Variants in TRMT10A observed in about 807,000 individuals in gnomAD.
The protein encoded by TRMT10A is tRNA methyltransferase 10 homolog A.
A neutral mutation model predicts 40.4 loss-of-function variants in TRMT10A; 37 were observed. The ratio of observed to expected loss-of-function variants is 0.92; its 90% CI spans 0.71 to 1.21. The LOEUF is 1.21. TRMT10A is among the 50% of genes most tolerant of loss of function. The pLI is 0.00. For synonymous variants in TRMT10A, 103 were observed against 134.1 expected, an observed-to-expected ratio of 0.77 and a Z score of 1.60; for missense variants, 388 against 404.3, an observed-to-expected ratio of 0.96 and a Z score of 0.35.
At chr4:99,561,580 T>C (rs143786478) in intron 1 of TRMT10A, among the ~76,000 whole-genome samples, 3 of 152,362 alleles carry the variant, frequency 2.0e-5, no homozygotes, top group Non-Finnish European at 4.4e-5. Context: ...TGATATCTTA[T>C]AAATTATTCC....
intron 2 of TRMT10A, among the ~76,000 whole-genome samples, 187 bp from the exon 3 acceptor site, chr4:99,558,398 A>C (rs1464728139): frequency 6.6e-6 from 1 of 152,102 alleles, no homozygotes; most frequent in Non-Finnish European, 1.5e-5. Flanking sequence ...TCAGATAGGA[A>C]GGAAATGAGC....
At chr4:99,556,360 G>T in intron 4 of TRMT10A, 140 bp from the exon 5 acceptor site, 1 of 742,088 alleles carries the variant, frequency 1.3e-6, no homozygotes, top group Non-Finnish European at 2.2e-6. Flanking sequence ...AAAAATTTGT[G>T]ACATGCTTTG....
At chr4:99,553,964 AT>A in intron 5 of TRMT10A, 30 bp from the exon 6 acceptor site, 1 of 1,601,912 alleles carries the variant, frequency 6.2e-7, no homozygotes, top group Non-Finnish European at 8.5e-7. Flanking sequence ...GAGGTTACTA[AT>A]TAATAAGACC....
chr4:99,557,466 C>T (rs762690576), intron 3 of TRMT10A, 50 bp from the exon 4 acceptor site: 39 of 1,527,112 alleles, frequency 2.6e-5, no homozygotes, highest in Non-Finnish European at 3.4e-5. Flanking sequence ...TTGTCTATGG[C>T]CATTCTATGA....
intron 1 of TRMT10A, chr4:99,563,636 C>T (rs1038322587): frequency 4.5e-5 from 13 of 291,598 alleles, no homozygotes; most frequent in Non-Finnish European, 9.0e-5. Context: ...GGAGCCTCGC[C>T]CACTATCCCT....
chr4:99,554,712 G>A (rs1415802060), intron 5 of TRMT10A, among the ~76,000 whole-genome samples: 2 of 107,000 alleles, frequency 1.9e-5, no homozygotes, highest in African/African-American at 7.6e-5. Flanking sequence ...CAGTGCAAGC[G>A]ACTACGTTTC....
At chr4:99,559,008 CTT>C in intron 2 of TRMT10A, 144 bp downstream of exon 2, 1 of 831,470 alleles carries the variant, frequency 1.2e-6, no homozygotes, top group South Asian at 2.6e-5. Context: ...ATTTTCTTCT[CTT>C]GCGTTTTTCT....
intron 2 of TRMT10A, 45 bp downstream of exon 2, chr4:99,559,109 A>C (rs754783974): frequency 5.9e-5 from 91 of 1,554,228 alleles, no homozygotes; most frequent in Non-Finnish European, 2.6e-6. Context: ...TTAACATTGC[A>C]TATCTCTAAA....
In TRMT10A at chr4:99,549,274, A is replaced by T. The variant is rs1197313173; in HGVS notation, c.834T>A (p.Ala278=). The change falls in exon 8 of 8, where the codon GCT becomes GCA. Residue 278 remains alanine (A), a synonymous_variant. Coordinates refer to ENST00000394876, the MANE Select transcript of TRMT10A (RefSeq NM_001134665.3). ...FFTILPQRKG[A]VPTDKACESA... Reference sequence around the variant, plus strand: ...TTTCACAGGCTTTGTCTGTGGGAACAGCTCCTTTCCGTTGGGGCAAGATAG... The same window carrying T: ...TTTCACAGGCTTTGTCTGTGGGAACTGCTCCTTTCCGTTGGGGCAAGATAG... 1 of 1,614,034 alleles carries T rather than the reference A, an allele frequency of 6.2e-7. No individual in the cohort carries two copies. The highest frequency in any genetic ancestry group is 8.5e-7 in the Non-Finnish European group (1 of 1,180,012).
At chr4:99,554,486 G>T (rs1724082869) in intron 5 of TRMT10A, among the ~76,000 whole-genome samples, 1 of 152,046 alleles carries the variant, frequency 6.6e-6, no homozygotes, top group Non-Finnish European at 1.5e-5. Flanking sequence ...ACTTTGGAAG[G>T]CTGAGGCAGG....
At position 99,559,170 on chromosome 4, in the gene TRMT10A, G is replaced by A; in HGVS notation, c.169C>T (p.Gln57Ter). 1 of 1,612,170 alleles carries A rather than the reference G, an allele frequency of 6.2e-7. No homozygotes were observed. The highest frequency in any genetic ancestry group is 8.5e-7 in the Non-Finnish European group (1 of 1,178,868). Residue 57 changes from glutamine to a stop codon, truncating the protein, a stop_gained, in exon 2 of 8, where the codon CAA becomes TAA. Coordinates refer to ENST00000394876, the MANE Select transcript of TRMT10A (RefSeq NM_001134665.3). LOFTEE classifies it high-confidence loss of function. ...AACACATACTTGCGGAGTTCCCGTTGCTCTTCCCATTGTTTCTGTTTTATT... is the reference window on the plus strand; with the variant it reads ...AACACATACTTGCGGAGTTCCCGTTACTCTTCCCATTGTTTCTGTTTTATT... ...KLIKQKQWEEQRELRKQKRKE... is the reference protein window; with the variant it reads ...KLIKQKQWEE
chr4:99,562,515 CTTTTTTTTT>C (rs67816425), intron 1 of TRMT10A, among the ~76,000 whole-genome samples: 27 of 76,644 alleles, frequency 3.5e-4, no homozygotes, highest in Non-Finnish European at 6.2e-4. Flanking sequence ...AAAGGAATGC[CTTTTTTTTT>C]TTTTTTTTTT....
intron 1 of TRMT10A, among the ~76,000 whole-genome samples, chr4:99,562,171 CA>C (rs1217975062): frequency 9.4e-4 from 89 of 94,328 alleles, no homozygotes; most frequent in South Asian, 1.4e-3. Flanking sequence ...ACTCCGTCTC[CA>C]AAAAAAAAAA....
intron 1 of TRMT10A, among the ~76,000 whole-genome samples, chr4:99,563,201 T>C (rs946937339): frequency 4.6e-5 from 7 of 152,246 alleles, no homozygotes; most frequent in African/African-American, 7.2e-5. Flanking sequence ...TCAAGCCTTT[T>C]GGGCAGAGGG....
rs776058676 is a variant in TRMT10A, at chr4:99,563,913, C to G, written c.-24G>C. The G allele has an allele frequency of 1.3e-6, 1 of 768,840 alleles. No homozygotes were observed. Among genetic ancestry groups the G allele is most frequent in the Non-Finnish European group, 2.2e-6 (1 of 447,488 alleles). 47.6% of individuals were successfully genotyped at this position (768,840 alleles called of 1,614,324 possible). ...CGCCAACCAGTGCCAGGACACTTACCGAGCTGAAGAGTTGACAGGGAAGTG... is the reference window on the plus strand; with the variant it reads ...CGCCAACCAGTGCCAGGACACTTACGGAGCTGAAGAGTTGACAGGGAAGTG... On this transcript the variant is annotated splice_region_variant and 5_prime_UTR_variant, in exon 1 of 8. Coordinates refer to ENST00000394876, the MANE Select transcript of TRMT10A (RefSeq NM_001134665.3).
At chr4:99,556,346 GA>G (rs1243459490) in intron 4 of TRMT10A, 126 bp from the exon 5 acceptor site, 9 of 903,996 alleles carry the variant, frequency 1.0e-5, no homozygotes, top group Admixed American at 2.9e-5. Flanking sequence ...CATTCATCTA[GA>G]AAAAAAATTT....
intron 5 of TRMT10A, among the ~76,000 whole-genome samples, chr4:99,555,732 A>G (rs1724137304): frequency 1.3e-5 from 2 of 152,186 alleles, no homozygotes; most frequent in Admixed American, 1.3e-4. Context: ...TCAGACTGTC[A>G]CATTTCAAGT....
At chr4:99,563,692 T>G (rs976151534) in intron 1 of TRMT10A, 1 of 360,824 alleles carries the variant, frequency 2.8e-6, no homozygotes, top group Non-Finnish European at 5.4e-6. Flanking sequence ...GGGATTAAGC[T>G]GTCTCTGGCG....
intron 1 of TRMT10A, among the ~76,000 whole-genome samples, chr4:99,560,083 G>A (rs1724328411): frequency 6.6e-6 from 1 of 151,908 alleles, no homozygotes; most frequent in South Asian, 2.1e-4. Context: ...CTTTTTTAAT[G>A]CTGTAGAATG....
Sources: allele counts gnomAD v4.1 joint callset (sites outside exome capture counted in the v4.1 genomes callset), GRCh38; gene constraint gnomAD v4.1.1; transcripts MANE v1.5; gene names NCBI Gene and HGNC (gene_info 2026-07-23, HGNC 2026-07-21).